The following RGS5 variants were observed in gnomAD, a reference collection of about 807,000 sequenced individuals.
RGS5 encodes regulator of G protein signaling 5.
In RGS5, 20 loss-of-function variants were observed where a neutral mutation model predicts 18.9. The observed-to-expected ratio is 1.06, with a 90% confidence interval of 0.74 to 1.54. The LOEUF (loss-of-function observed/expected upper bound fraction) is 1.54, where lower values mean the gene tolerates loss of function less well. Among genes scored for constraint, RGS5 ranks in the 40% most tolerant of loss-of-function variants. The pLI is 0.00. For synonymous variants in RGS5, 57 were observed against 76.2 expected (o/e 0.75, Z 1.31); for missense variants, 201 against 211.8 (o/e 0.95, Z 0.32).
In RGS5 at chr1:163,194,729, T is replaced by C. The variant is rs146792902; in HGVS notation, c.44+8063A>G. 2.8e-3 allele frequency among the ~76,000 whole-genome samples: 424 copies of C among 152,268 alleles called. 6 individuals carry two copies. The highest frequency in any genetic ancestry group is 9.5e-3 in the African/African-American group (394 of 41,576). Reference sequence around the variant, plus strand: ...GATATAAGATTAAGAAATCTCAATGTGTGAACATTTTTGGATCCTAATACA... The same window carrying C: ...GATATAAGATTAAGAAATCTCAATGCGTGAACATTTTTGGATCCTAATACA... On this transcript the variant is annotated intron_variant, in intron 1 of 4. Transcript: ENST00000313961.
chr1:163,243,053 A>C (rs1647830479), intron 2 of RGS5, among the ~76,000 whole-genome samples: 1 of 152,236 alleles, frequency 6.6e-6, no homozygotes, highest in South Asian at 2.1e-4. Context: ...ACTGCCCATC[A>C]ATGATAGACT....
intron 2 of RGS5, among the ~76,000 whole-genome samples, chr1:163,285,627 C>T (rs1327398219): frequency 4.6e-5 from 7 of 152,114 alleles, no homozygotes; most frequent in Non-Finnish European, 1.5e-5. Context: ...TGTCCCCACA[C>T]AGATCTCATG....
intron 1 of RGS5, among the ~76,000 whole-genome samples, chr1:163,319,821 T>C (rs570370647): frequency 1.3e-5 from 2 of 152,302 alleles, no homozygotes; most frequent in Middle Eastern, 6.8e-3. Context: ...ACTAAAGTTT[T>C]CTGCAATAGT....
intron 1 of RGS5, among the ~76,000 whole-genome samples, chr1:163,171,947 C>T (rs571683142): frequency 1.5e-3 from 228 of 152,216 alleles, no homozygotes; most frequent in African/African-American, 4.7e-3. Context: ...GTGTCCACAA[C>T]GGTAGATCAG....
At chr1:163,159,924 C>G (rs1657736343) in intron 3 of RGS5, among the ~76,000 whole-genome samples, 1 of 152,202 alleles carries the variant, frequency 6.6e-6, no homozygotes, top group African/African-American at 2.4e-5. Context: ...TGAACACACA[C>G]AAGTGCATGT....
At chr1:163,217,435 G>T in intron 1 of RGS5, 2 of 1,336,868 alleles carry the variant, frequency 1.5e-6, no homozygotes, top group South Asian at 1.7e-5. Flanking sequence ...GAGCACTATT[G>T]GCATCCTTCC....
rs1013000592 is a variant in RGS5 at position 163,144,746 on chromosome 1, G to A, written c.*2596C>T. Reference sequence around the variant, plus strand: ...AGAATTAAAAGAATGTATTTTATCTGTATTACCATGGAAATTACTAGTAAC... The same window carrying A: ...AGAATTAAAAGAATGTATTTTATCTATATTACCATGGAAATTACTAGTAAC... On this transcript the variant is annotated 3_prime_UTR_variant, in exon 5 of 5. Transcript: ENST00000313961. 6.6e-6 allele frequency: 1 copy of A among 152,420 alleles called. No individual in the cohort carries two copies. The highest frequency in any genetic ancestry group is 1.5e-5 in the Non-Finnish European group (1 of 67,984). The allele number at this position is 152,420 out of a possible 1,614,324, so 9.4% of individuals were successfully genotyped here.
intron 3 of RGS5, among the ~76,000 whole-genome samples, chr1:163,156,484 T>C (rs1433619286): frequency 6.6e-6 from 1 of 152,214 alleles, no homozygotes; most frequent in Non-Finnish European, 1.5e-5. Context: ...AAGATTTTTA[T>C]CATTATGAGA....
chr1:163,235,126 A>T (rs954907464), intron 2 of RGS5, among the ~76,000 whole-genome samples: 2 of 152,188 alleles, frequency 1.3e-5, no homozygotes, highest in Non-Finnish European at 2.9e-5. Flanking sequence ...CTTTGAAAAC[A>T]ATCTACCACA....
At position 163,197,900 on chromosome 1, in the gene RGS5, T is replaced by TGG. The variant is rs1191576161; in HGVS notation, c.44+4891_44+4892insCC. Among the ~76,000 whole-genome samples the TGG allele has an allele frequency of 4.6e-5, 7 of 152,314 alleles. No individual in the cohort carries two copies. The East Asian group carries it at 1.4e-3, about 29-fold the overall frequency. ...AGTTGTTCAAGCTAATTGCCAGTCT[T>TGG]TAATTCACTTGGTGCTTGCCTTTTC... On this transcript the variant is annotated intron_variant, in intron 1 of 4. Coordinates refer to ENST00000313961, the MANE Select transcript of RGS5 (RefSeq NM_003617.4).
chr1:163,243,623 G>A (rs1253074048), intron 2 of RGS5, among the ~76,000 whole-genome samples: 11 of 111,318 alleles, frequency 9.9e-5, no homozygotes, highest in Admixed American at 9.4e-4. Flanking sequence ...CAGCCTGGGC[G>A]ACAGAGCAAG....
chr1:163,294,202 A>G (rs1056535965), intron 2 of RGS5, among the ~76,000 whole-genome samples: 1 of 152,148 alleles, frequency 6.6e-6, no homozygotes, highest in African/African-American at 2.4e-5. Context: ...TCCTTTCTGC[A>G]TTGCCCTAGT....
chr1:163,209,990 T>G, intron 1 of RGS5, among the ~76,000 whole-genome samples: 1 of 152,092 alleles, frequency 6.6e-6, no homozygotes, highest in East Asian at 1.9e-4. Context: ...CTGTATGTCT[T>G]TATTCTTTTT....
Position 163,200,026 on chromosome 1 carries a change from G to C in RGS5, c.44+2766C>G, listed in dbSNP as rs116221193. On this transcript the variant is annotated intron_variant, in intron 1 of 4. Coordinates refer to ENST00000313961, the MANE Select transcript of RGS5 (RefSeq NM_003617.4). ...AATTTTCCTTTAATCACATCTCTTA[G>C]TAGTCATTGAGACTAAGTGTACCTC... Among the ~76,000 whole-genome samples the C allele has an allele frequency of 2.8e-3, 423 of 152,170 alleles. 4 individuals are homozygous for C. The highest frequency in any genetic ancestry group is 8.7e-3 in the African/African-American group (363 of 41,486).
chr1:163,275,597 C>T (rs1243202306), intron 2 of RGS5, among the ~76,000 whole-genome samples: 1 of 152,126 alleles, frequency 6.6e-6, no homozygotes, highest in East Asian at 1.9e-4. Flanking sequence ...GAATAAATGT[C>T]AAGACTAAAT....
intron 2 of RGS5, among the ~76,000 whole-genome samples, chr1:163,244,225 A>G (rs377615734): frequency 1.3e-5 from 2 of 152,186 alleles, no homozygotes; most frequent in East Asian, 1.9e-4. Context: ...CTCCAAAGCT[A>G]TAATTTTGCC....
chr1:163,249,086 T>TAAGTG (rs1648028751), intron 2 of RGS5, among the ~76,000 whole-genome samples: 2 of 152,308 alleles, frequency 1.3e-5, no homozygotes, highest in South Asian at 4.2e-4. Flanking sequence ...AAACATTCTT[T>TAAGTG]AAGTGAAGTT....
chr1:163,289,000 C>T (rs1174097387), intron 2 of RGS5, among the ~76,000 whole-genome samples: 1 of 152,064 alleles, frequency 6.6e-6, no homozygotes, highest in Non-Finnish European at 1.5e-5. Context: ...TAGATCATGG[C>T]CTCATCACCT....
At chr1:163,162,206 T>G (rs1302647222) in intron 2 of RGS5, among the ~76,000 whole-genome samples, 1 of 152,210 alleles carries the variant, frequency 6.6e-6, no homozygotes, top group Non-Finnish European at 1.5e-5. Flanking sequence ...ACATTTTGGT[T>G]AGGTCTTTCC....
Sources: gnomAD v4.1 joint callset for allele counts (sites outside exome capture counted in the v4.1 genomes callset) on GRCh38, gnomAD v4.1.1 for gene constraint, MANE v1.5 for transcripts, NCBI Gene and HGNC (gene_info 2026-07-23, HGNC 2026-07-21) for gene names.